The following PPP1R3B variants were observed in gnomAD, a reference collection of about 807,000 sequenced individuals.
PPP1R3B encodes protein phosphatase 1 regulatory subunit 3B.
PPP1R3B carries 8 observed loss-of-function variants against 14.6 expected under a neutral mutation model. That is an observed-to-expected ratio of 0.55 (90% CI 0.32 to 0.99). The LOEUF is 0.99. Among genes scored for constraint, PPP1R3B ranks in the 50% least tolerant of loss-of-function variants. PPP1R3B has a pLI of 0.04. For synonymous variants in PPP1R3B, 169 were observed against 142.0 expected (o/e 1.19, Z -1.35); for missense variants, 452 against 360.1 (o/e 1.26, Z -2.07).
rs531825892 is a variant in PPP1R3B at position 9,140,335 on chromosome 8, C to T, written c.*459G>A. 4.3e-5 allele frequency: 8 copies of T among 185,824 alleles called. No homozygotes were observed. Among genetic ancestry groups the T allele is most frequent in the African/African-American group, 1.6e-4 (7 of 43,956 alleles). The allele number at this position is 185,824 out of a possible 1,614,324, so 11.5% of individuals were successfully genotyped here. ...ACACGTGGACGGGGAAGCACAGCAG[C>T]TTGCAGGAAAGGCCTGGCTGGCAGA... On this transcript the variant is annotated 3_prime_UTR_variant, in exon 2 of 2. Coordinates refer to ENST00000310455, the MANE Select transcript of PPP1R3B (RefSeq NM_024607.4).
rs1176950718 is a variant in PPP1R3B, at chr8:9,136,737, C to A, written c.*4057G>T. ...TCCCATCATCCATGTAACTTCTTGT[C>A]TCCGATTTCAGTGAACATGTCAGGA... On this transcript the variant is annotated 3_prime_UTR_variant, in exon 2 of 2. Coordinates refer to ENST00000310455, the MANE Select transcript of PPP1R3B (RefSeq NM_024607.4). 2 of 152,196 alleles carry A rather than the reference C, an allele frequency of 1.3e-5. No homozygotes were observed. Among genetic ancestry groups the A allele is most frequent in the Non-Finnish European group, 2.9e-5 (2 of 68,048 alleles). The allele number at this position is 152,196 out of a possible 1,614,324, so 9.4% of individuals were successfully genotyped here. A position where few individuals can be genotyped will look rare whatever the true frequency, so the allele number is the denominator to read the frequency against.
intron 1 of PPP1R3B, among the ~76,000 whole-genome samples, chr8:9,142,047 C>T (rs1218648628): frequency 6.6e-6 from 1 of 152,186 alleles, no homozygotes; most frequent in Non-Finnish European, 1.5e-5. Flanking sequence ...TTTCCCAAAT[C>T]TATTTGACTA....
rs763503977 is a variant in PPP1R3B, at chr8:9,141,339, C to G, written c.313G>C (p.Ala105Pro). Reference protein sequence around the residue: ...LLDNIVSLTTAESESFVLDFS... With the variant: ...LLDNIVSLTTPESESFVLDFS... Reference sequence around the variant, plus strand: ...TCCAGAACAAAGCTCTCGCTCTCTGCTGTCGTCAAGCTCACAATGTTGTCT... The same window carrying G: ...TCCAGAACAAAGCTCTCGCTCTCTGGTGTCGTCAAGCTCACAATGTTGTCT... The change falls in exon 2 of 2, where the codon GCA (alanine) becomes CCA (proline). Residue 105 changes from alanine to proline, a missense_variant. Physicochemically the swap from Ala to Pro is conservative, Grantham distance 27. Coordinates refer to ENST00000310455, the MANE Select transcript of PPP1R3B (RefSeq NM_024607.4). 5 of 1,614,064 alleles carry G rather than the reference C, an allele frequency of 3.1e-6. No individual in the cohort carries two copies. The African/African-American group carries it at 6.7e-5, about 22-fold the overall frequency.
chr8:9,146,523 ACATAT>A (rs1465589863), intron 1 of PPP1R3B, among the ~76,000 whole-genome samples: 19 of 152,200 alleles, frequency 1.2e-4, no homozygotes, highest in African/African-American at 4.1e-4. Flanking sequence ...ACGGACGAAC[ACATAT>A]CAGATTTGAC....
Position 9,141,571 on chromosome 8 carries a change from T to G in PPP1R3B, c.81A>C (p.Ser27=), listed in dbSNP as rs2117603033. ...LRQERFAFKI[S]PKPSKPLRPC... is the part of the protein sequence containing the mutation. ...GCCTCAGTGGTTTGCTGGGCTTTGG[T>G]GAGATCTTAAAGGCAAACCTCTCTT... Residue 27 remains serine (S), a synonymous_variant, in exon 2 of 2, where the codon TCA becomes TCC. Coordinates refer to ENST00000310455, the MANE Select transcript of PPP1R3B (RefSeq NM_024607.4). 1.2e-6 allele frequency: 2 copies of G among 1,614,082 alleles called. No homozygotes were observed. Among genetic ancestry groups the G allele is most frequent in the Admixed American group, 1.7e-5 (1 of 60,000 alleles).
chr8:9,140,770 G>C lies in PPP1R3B; in HGVS notation c.*24C>G. The C allele has an allele frequency of 6.2e-7, 1 of 1,608,824 alleles. No individual in the cohort carries two copies. The highest frequency in any genetic ancestry group is 8.5e-7 in the Non-Finnish European group (1 of 1,177,078). The stretch of plus-strand genomic sequence containing the variant: ...AGCTAGGCTTGTCTGTGGCAGCTCC[G>C]CCACGCCCTGTCACCTGCAGTCACT... On this transcript the variant is annotated 3_prime_UTR_variant, in exon 2 of 2. Transcript: ENST00000310455.
chr8:9,148,923 C>G (rs1801325674), intron 1 of PPP1R3B, among the ~76,000 whole-genome samples: 2 of 151,976 alleles, frequency 1.3e-5, no homozygotes, highest in Non-Finnish European at 2.9e-5. Flanking sequence ...CGTGGTGGCT[C>G]ACGCCTGTAA....
At position 9,137,501 on chromosome 8, in the gene PPP1R3B, AC is replaced by A. The variant is rs1800925698; in HGVS notation, c.*3292del. 6.6e-6 allele frequency: 1 copy of A among 152,130 alleles called. No homozygotes were observed. The allele number at this position is 152,130 out of a possible 1,614,324, so 9.4% of individuals were successfully genotyped here. ...GAAGTCTCCAAGTAAGAAACCTGTC[AC>A]CCTCTGAAGTGTGTAGGCTTATCTA... On this transcript the variant is annotated 3_prime_UTR_variant, in exon 2 of 2. Coordinates refer to ENST00000310455, the MANE Select transcript of PPP1R3B (RefSeq NM_024607.4).
Position 9,140,977 on chromosome 8 carries a change from G to A in PPP1R3B, c.675C>T (p.Asn225=). 1 of 1,614,100 alleles carries A rather than the reference G, an allele frequency of 6.2e-7. No individual in the cohort carries two copies. The highest frequency in any genetic ancestry group is 1.1e-5 in the South Asian group (1 of 91,072). ...GGATGATCCTATAGTTCTTGCCTCT[G>A]TTGCTGTCCCAGTACGTCTGTCCAT... ...ECNGQTYWDS[N]RGKNYRIIRA... Residue 225 remains asparagine, a synonymous_variant, in exon 2 of 2, where the codon AAC becomes AAT. Coordinates refer to ENST00000310455, the MANE Select transcript of PPP1R3B (RefSeq NM_024607.4).
At chr8:9,147,899 C>T (rs141948243) in intron 1 of PPP1R3B, among the ~76,000 whole-genome samples, 75 of 152,250 alleles carry the variant, frequency 4.9e-4, no homozygotes, top group African/African-American at 1.8e-3. Flanking sequence ...ACTACTACCC[C>T]AGGGACATTG....
intron 1 of PPP1R3B, among the ~76,000 whole-genome samples, chr8:9,146,909 C>T (rs1801257371): frequency 6.6e-6 from 1 of 151,798 alleles, no homozygotes; most frequent in African/African-American, 2.4e-5. Flanking sequence ...TACTCTTGTC[C>T]TTTGCAAAAC....
chr8:9,138,932 C>T lies in PPP1R3B; in HGVS notation c.*1862G>A. 1 of 150,694 alleles carries T rather than the reference C, an allele frequency of 6.6e-6. No homozygotes were observed. Among genetic ancestry groups the T allele is most frequent in the South Asian group, 2.1e-4 (1 of 4,814 alleles). 9.3% of individuals were successfully genotyped at this position (150,694 alleles called of 1,614,324 possible). The stretch of plus-strand genomic sequence containing the variant: ...GATAATGACTGTCCCGGAAGTCTCT[C>T]TTTTTTGAGACAGTTTCACTCTGTC... On this transcript the variant is annotated 3_prime_UTR_variant, in exon 2 of 2. Transcript: ENST00000310455.
upstream of PPP1R3B, chr8:9,151,210 G>A (rs962269281): frequency 2.0e-5 from 3 of 152,476 alleles, no homozygotes; most frequent in Admixed American, 6.5e-5. Context: ...TACCTAGAGT[G>A]TTCCAGCCCC....
At chr8:9,145,513 G>T (rs543921872) in intron 1 of PPP1R3B, 3 of 152,028 alleles carry the variant, frequency 2.0e-5, no homozygotes, top group Non-Finnish European at 2.9e-5. Context: ...TGTGTTAATC[G>T]ACTGTTGATG....
rs1051871574 is a variant in PPP1R3B at position 9,138,209 on chromosome 8, T to C, written c.*2585A>G. The C allele has an allele frequency of 6.6e-6, 1 of 152,190 alleles. No homozygotes were observed. Among genetic ancestry groups the C allele is most frequent in the Non-Finnish European group, 1.5e-5 (1 of 68,036 alleles). 9.4% of individuals were successfully genotyped at this position (152,190 alleles called of 1,614,324 possible). On this transcript the variant is annotated 3_prime_UTR_variant, in exon 2 of 2. Transcript: ENST00000310455. ...GTTCGATTTATGCTATTAATAGTTC[T>C]GATCACCAAATTTATAACATTTAAA...
intron 1 of PPP1R3B, chr8:9,142,422 T>A (rs963629853): frequency 4.6e-5 from 7 of 152,230 alleles, no homozygotes; most frequent in African/African-American, 1.7e-4. Context: ...AAAAATTGTA[T>A]ATTCTTATGG....
Position 9,137,905 on chromosome 8 carries a change from G to T in PPP1R3B, c.*2889C>A, listed in dbSNP as rs1363294621. ...GTGAGCTGGGAGAAAGACGGGTAGT[G>T]GGGAGGGTTTACGGCTGCTTTAGAA... On this transcript the variant is annotated 3_prime_UTR_variant, in exon 2 of 2. Coordinates refer to ENST00000310455, the MANE Select transcript of PPP1R3B (RefSeq NM_024607.4). 6.6e-6 allele frequency: 1 copy of T among 152,186 alleles called. No individual in the cohort carries two copies. 9.4% of individuals were successfully genotyped at this position (152,186 alleles called of 1,614,324 possible).
rs1480810672 is a variant in PPP1R3B, at chr8:9,141,542, C to G, written c.110G>C (p.Cys37Ser). 4 of 1,614,164 alleles carry G rather than the reference C, an allele frequency of 2.5e-6. No homozygotes were observed. Residue 37 changes from cysteine (C) to serine (S), a missense_variant, in exon 2 of 2, where the codon TGT (cysteine) becomes TCT (serine). Cys to Ser is a moderately radical substitution (Grantham distance 112, BLOSUM62 -1). Transcript: ENST00000310455. ...TTCATTCTTGCTGCTCAGCTGAATA[C>G]AAGGCCTCAGTGGTTTGCTGGGCTT... is the stretch of plus-strand genomic sequence containing the variant. ...SPKPSKPLRPCIQLSSKNEAS... is the reference protein window; with the variant it reads ...SPKPSKPLRPSIQLSSKNEAS...
chr8:9,141,698 GA>G (rs1260746289), intron 1 of PPP1R3B, 30 bp from the exon 2 acceptor site: 3 of 1,581,670 alleles, frequency 1.9e-6, no homozygotes, highest in East Asian at 4.5e-5. Flanking sequence ...AGAGAAGAAA[GA>G]AAACAGTGGA....
Sources: allele counts gnomAD v4.1 joint callset (sites outside exome capture counted in the v4.1 genomes callset), GRCh38; gene constraint gnomAD v4.1.1; transcripts MANE v1.5; gene names NCBI Gene and HGNC (gene_info 2026-07-23, HGNC 2026-07-21).